SIK3: variants seen among roughly 807,000 people sequenced by gnomAD.
SIK3 encodes serine/threonine-protein kinase SIK3.
A neutral mutation model predicts 144.2 loss-of-function variants in SIK3; 28 were observed. That is an observed-to-expected ratio of 0.19 (90% confidence interval 0.14 to 0.27). SIK3 has a LOEUF of 0.27. Among genes scored for constraint, SIK3 ranks in the 10% least tolerant of loss-of-function variants. SIK3 has a pLI of 1.00. For missense variants in SIK3, 1,319 were observed against 1,776.0 expected (o/e 0.74, Z 4.62); for synonymous variants, 686 against 676.3 (o/e 1.01, Z -0.22).
At chr11:116,988,278 A>C (rs10160754) in intron 1 of SIK3, among the ~76,000 whole-genome samples, 21,815 of 151,844 alleles carry the variant, frequency 0.14, 2,157 homozygotes, top group African/African-American at 0.28. Context: ...CCCAGCTACT[A>C]GGGAGGCTAA....
chr11:116,870,477 G>A lies in SIK3; in HGVS notation c.1738-76C>T, dbSNP rs1010059512. ...GCCTCTTACTCTAGTAACTGGGCTT[G>A]GGGCAGGACTTTCTGTTAACTTTCT... On this transcript the variant is annotated intron_variant, in intron 13 of 24. Coordinates refer to ENST00000445177, the MANE Select transcript of SIK3 (RefSeq NM_001366686.3). 4 of 1,592,170 alleles carry A rather than the reference G, an allele frequency of 2.5e-6. No individual in the cohort carries two copies. The African/African-American group carries it at 5.4e-5, about 21-fold the overall frequency.
chr11:116,948,720 C>T (rs1948790732), intron 3 of SIK3, among the ~76,000 whole-genome samples: 1 of 152,108 alleles, frequency 6.6e-6, no homozygotes, highest in Admixed American at 6.5e-5. Context: ...AAAGAACTAT[C>T]TTTTGGTTTC....
At chr11:116,887,479 T>C (rs972363398) in intron 6 of SIK3, among the ~76,000 whole-genome samples, 6 of 151,840 alleles carry the variant, frequency 4.0e-5, no homozygotes, top group Admixed American at 3.3e-4. Context: ...TAGCTGGGTG[T>C]GGTGGCACGC....
Position 116,859,481 on chromosome 11 carries a change from G to A in SIK3, c.2549C>T (p.Ala850Val), listed in dbSNP as rs1943187820. Residue 850 changes from alanine (A) to valine (V), a missense_variant, in exon 20 of 25, where the codon GCT (alanine) becomes GTT (valine). Ala to Val is a moderately conservative substitution (Grantham distance 64). Coordinates refer to ENST00000445177, the MANE Select transcript of SIK3 (RefSeq NM_001366686.3). ...ALTCLGMQQP[A>V]QSQQVTIQVQ... ...TTGGATGGTGACCTGCTGTGACTGA[G>A]CAGGCTGCTGCATACCCAAGCAGGT... 1 of 1,614,216 alleles carries A rather than the reference G, an allele frequency of 6.2e-7. No homozygotes were observed. Among genetic ancestry groups the A allele is most frequent in the African/African-American group, 1.3e-5 (1 of 75,062 alleles).
At chr11:116,862,440 G>T in intron 16 of SIK3, 113 bp from the exon 17 acceptor site, 1 of 1,378,272 alleles carries the variant, frequency 7.3e-7, no homozygotes, top group Non-Finnish European at 1.0e-6. Flanking sequence ...AGCCGCAAGA[G>T]AACAGTGTCC....
intron 1 of SIK3, among the ~76,000 whole-genome samples, chr11:116,990,553 A>G (rs916240659): frequency 6.6e-6 from 1 of 152,266 alleles, no homozygotes; most frequent in East Asian, 1.9e-4. Flanking sequence ...AAATTTTTTA[A>G]AAAAAGAAAA....
At position 117,010,731 on chromosome 11, in the gene SIK3, G is replaced by A. The variant is rs58176010; in HGVS notation, c.274-53667C>T. ...ACTGAGTCTTAATTAAAGCGACTCA[G>A]TCCACCAAAAAATAATTTTTTAAAG... On this transcript the variant is annotated intron_variant, in intron 1 of 24. Transcript: ENST00000445177. Among the ~76,000 whole-genome samples, 194 of 152,170 alleles carry A rather than the reference G, an allele frequency of 1.3e-3. 7 individuals carry two copies. The East Asian group carries it at 0.035, about 27-fold the overall frequency.
intron 1 of SIK3, among the ~76,000 whole-genome samples, chr11:117,079,243 C>CA (rs1954681233): frequency 6.6e-6 from 1 of 152,118 alleles, no homozygotes; most frequent in African/African-American, 2.4e-5. Context: ...TGTACAGTAT[C>CA]AAAGCAAGAA....
At position 116,849,860 on chromosome 11, in the gene SIK3, G is replaced by C. The variant is rs1206741491; in HGVS notation, c.3656-577C>G. Among the ~76,000 whole-genome samples the C allele has an allele frequency of 6.6e-6, 1 of 152,068 alleles. No individual in the cohort carries two copies. Among genetic ancestry groups the C allele is most frequent in the East Asian group, 1.9e-4 (1 of 5,200 alleles). ...CATCATCTATTTTCATGGCTGTACT[G>C]CCTTTATGTAAAGAATTACTGAAGT... On this transcript the variant is annotated intron_variant, in intron 21 of 24. Coordinates refer to ENST00000445177, the MANE Select transcript of SIK3 (RefSeq NM_001366686.3). The surrounding 1 kb of genome is among the most constrained non-coding windows in gnomAD (Gnocchi z 4.2).
At chr11:117,014,085 T>C (rs1270473538) in intron 1 of SIK3, among the ~76,000 whole-genome samples, 2 of 143,320 alleles carry the variant, frequency 1.4e-5, no homozygotes, top group Non-Finnish European at 3.0e-5. Context: ...GCTCAAGTGA[T>C]CCTCCCACCT....
intron 1 of SIK3, among the ~76,000 whole-genome samples, chr11:116,989,854 A>G (rs1307286213): frequency 6.6e-6 from 1 of 152,194 alleles, no homozygotes; most frequent in African/African-American, 2.4e-5. Context: ...TAACTTGAAA[A>G]GGTAACTAAA....
intron 1 of SIK3, among the ~76,000 whole-genome samples, chr11:117,085,386 C>A (rs534326866): frequency 1.3e-5 from 2 of 152,286 alleles, no homozygotes; most frequent in East Asian, 3.9e-4. Context: ...CTAGACCTCC[C>A]AAAGTGCTGG....
intron 8 of SIK3, 114 bp downstream of exon 8, chr11:116,876,139 G>A: frequency 6.7e-7 from 1 of 1,501,184 alleles, no homozygotes; most frequent in Non-Finnish European, 9.1e-7. Flanking sequence ...AAGGGGCAGA[G>A]GAAGAAAAAC....
chr11:117,020,015 C>G, intron 1 of SIK3, among the ~76,000 whole-genome samples: 1 of 151,964 alleles, frequency 6.6e-6, no homozygotes, highest in Non-Finnish European at 1.5e-5. Context: ...AAAGCTGTAC[C>G]TTCCCCAAAG....
intron 1 of SIK3, among the ~76,000 whole-genome samples, chr11:116,978,745 G>T (rs1368595691): frequency 4.0e-5 from 6 of 151,382 alleles, no homozygotes; most frequent in Non-Finnish European, 5.9e-5. Flanking sequence ...TGGGCTCAAG[G>T]GATCCTCCTG....
intron 1 of SIK3, among the ~76,000 whole-genome samples, chr11:117,081,700 A>G (rs747750229): frequency 6.6e-6 from 1 of 152,202 alleles, no homozygotes; most frequent in Non-Finnish European, 1.5e-5. Context: ...CTATATGAAC[A>G]TGGGAGAAAG....
At chr11:116,971,360 A>G (rs1247367879) in intron 1 of SIK3, among the ~76,000 whole-genome samples, 1 of 152,222 alleles carries the variant, frequency 6.6e-6, no homozygotes, top group African/African-American at 2.4e-5. Flanking sequence ...GCATAATCCA[A>G]TGTCAGCCAA....
At chr11:117,028,917 C>G (rs1422192450) in intron 1 of SIK3, among the ~76,000 whole-genome samples, 1 of 151,830 alleles carries the variant, frequency 6.6e-6, no homozygotes, top group Non-Finnish European at 1.5e-5. Flanking sequence ...CCTGTAATCC[C>G]AGCATTTTGT....
At chr11:116,988,385 C>CAA (rs11406946) in intron 1 of SIK3, among the ~76,000 whole-genome samples, 12 of 148,464 alleles carry the variant, frequency 8.1e-5, no homozygotes, top group Non-Finnish European at 1.5e-4. Flanking sequence ...GACTCTGACT[C>CAA]AAAAAAAAAG....
Sources: gnomAD v4.1 joint callset for allele counts (sites outside exome capture counted in the v4.1 genomes callset) on GRCh38, gnomAD v4.1.1 for gene constraint, Gnocchi (gnomAD v3.1) non-coding constraint, MANE v1.5 for transcripts, NCBI Gene and HGNC (gene_info 2026-07-23, HGNC 2026-07-21) for gene names.